The following LHFPL3 variants were observed in gnomAD, a reference collection of about 807,000 sequenced individuals.
LHFPL3 encodes the protein LHFPL tetraspan subfamily member 3, also known as LHFPL tetraspan subfamily member 3 protein.
LHFPL3 carries 5 observed loss-of-function variants against 19.3 expected under a neutral mutation model. The ratio of observed to expected loss-of-function variants is 0.26; its 90% CI spans 0.14 to 0.54. The LOEUF (loss-of-function observed/expected upper bound fraction) is 0.54, where lower values mean the gene tolerates loss of function less well. Ranked by LOEUF, LHFPL3 falls within the 20% of genes least tolerant of loss-of-function variation. The pLI, the probability that LHFPL3 is intolerant of heterozygous loss-of-function variation, is 0.94. For synonymous variants in LHFPL3, 133 were observed against 126.2 expected (o/e 1.05, Z -0.36); for missense variants, 249 against 307.4 (o/e 0.81, Z 1.42).
chr7:104,522,695 C>A (rs1351703034), intron 1 of LHFPL3, among the ~76,000 whole-genome samples: 1 of 152,104 alleles, frequency 6.6e-6, no homozygotes, highest in Non-Finnish European at 1.5e-5. Flanking sequence ...TACAGAAGGT[C>A]TTTCTTGCCA....
At chr7:104,444,698 A>G (rs17137694) in intron 1 of LHFPL3, among the ~76,000 whole-genome samples, 14,040 of 152,150 alleles carry the variant, frequency 0.092, 734 homozygotes, top group African/African-American at 0.14. Flanking sequence ...TTTTAAAGGA[A>G]TATTTATAGG....
At chr7:104,334,893 T>C (rs1232051712) in intron 1 of LHFPL3, among the ~76,000 whole-genome samples, 1 of 152,184 alleles carries the variant, frequency 6.6e-6, no homozygotes, top group African/African-American at 2.4e-5. Context: ...TGGGTTTTCT[T>C]TCAGAAAGAG....
chr7:104,558,131 A>C (rs1317749957), intron 1 of LHFPL3, among the ~76,000 whole-genome samples: 1 of 150,800 alleles, frequency 6.6e-6, no homozygotes, highest in Non-Finnish European at 1.5e-5. Flanking sequence ...TAATGCCGCA[A>C]TAAACATACG....
intron 2 of LHFPL3, among the ~76,000 whole-genome samples, chr7:104,805,323 T>A (rs144489115): frequency 6.6e-6 from 1 of 152,306 alleles, no homozygotes; most frequent in African/African-American, 2.4e-5. Flanking sequence ...GGTGCAGAAC[T>A]AAAGGGTATA....
chr7:104,786,659 T>C (rs1319887636), intron 2 of LHFPL3: 1 of 151,086 alleles, frequency 6.6e-6, no homozygotes, highest in Non-Finnish European at 1.5e-5. Flanking sequence ...CCTGGTCCTG[T>C]CAAATAAGAC....
chr7:104,540,077 G>A (rs1794456221), intron 1 of LHFPL3, among the ~76,000 whole-genome samples: 1 of 152,126 alleles, frequency 6.6e-6, no homozygotes, highest in South Asian at 2.1e-4. Context: ...CATACTAGGA[G>A]TTTGGGCCTT....
At chr7:104,529,580 T>C (rs1468622514) in intron 1 of LHFPL3, among the ~76,000 whole-genome samples, 1 of 152,204 alleles carries the variant, frequency 6.6e-6, no homozygotes, top group Non-Finnish European at 1.5e-5. Context: ...TAACACCTGC[T>C]TCAGTGAAAG....
chr7:104,404,420 A>T (rs1791376264), intron 1 of LHFPL3, among the ~76,000 whole-genome samples: 1 of 152,246 alleles, frequency 6.6e-6, no homozygotes, highest in Non-Finnish European at 1.5e-5. Context: ...TATGCAATTC[A>T]GTAGAGATCA....
At chr7:104,840,969 G>T (rs1200911287) in intron 2 of LHFPL3, among the ~76,000 whole-genome samples, 1 of 152,028 alleles carries the variant, frequency 6.6e-6, no homozygotes, top group Non-Finnish European at 1.5e-5. Flanking sequence ...CAGCTCATTA[G>T]TTGAGCCGCC....
intron 2 of LHFPL3, among the ~76,000 whole-genome samples, chr7:104,859,060 C>T (rs538152749): frequency 4.6e-5 from 7 of 151,874 alleles, no homozygotes; most frequent in East Asian, 1.9e-4. Flanking sequence ...GTCAGGAGTT[C>T]GAGACCAGCC....
intron 1 of LHFPL3, among the ~76,000 whole-genome samples, chr7:104,551,056 T>C (rs1391088983): frequency 1.3e-5 from 2 of 152,078 alleles, no homozygotes; most frequent in Non-Finnish European, 2.9e-5. Flanking sequence ...CACAATGCGC[T>C]AATCAGAACA....
intron 1 of LHFPL3, among the ~76,000 whole-genome samples, chr7:104,584,678 A>G (rs1790531047): frequency 6.6e-6 from 1 of 152,052 alleles, no homozygotes; most frequent in Non-Finnish European, 1.5e-5. Context: ...TTAGTGTAGA[A>G]TCTTGAATAG....
chr7:104,527,417 A>C (rs1310640197), intron 1 of LHFPL3, among the ~76,000 whole-genome samples: 1 of 152,116 alleles, frequency 6.6e-6, no homozygotes, highest in Non-Finnish European at 1.5e-5. Context: ...ACGTGGGAGC[A>C]GTGGAGGTGG....
intron 1 of LHFPL3, among the ~76,000 whole-genome samples, chr7:104,562,733 G>T (rs1160575980): frequency 6.6e-6 from 1 of 151,926 alleles, no homozygotes; most frequent in African/African-American, 2.4e-5. Context: ...GAGGAACTGC[G>T]TTCCTTTGGA....
chr7:104,740,617 C>T (rs116087960), intron 2 of LHFPL3, among the ~76,000 whole-genome samples: 37 of 152,288 alleles, frequency 2.4e-4, no homozygotes, highest in African/African-American at 8.9e-4. Flanking sequence ...AAAGGAAGAG[C>T]AAAGTCACAT....
chr7:104,752,121 C>T (rs1056952445), intron 2 of LHFPL3, among the ~76,000 whole-genome samples: 3 of 152,170 alleles, frequency 2.0e-5, no homozygotes, highest in East Asian at 1.9e-4. Flanking sequence ...GGCACCTGAC[C>T]TGCTGGAAGA....
chr7:104,356,753 C>A (rs1175067640), intron 1 of LHFPL3, among the ~76,000 whole-genome samples: 1 of 152,106 alleles, frequency 6.6e-6, no homozygotes, highest in Non-Finnish European at 1.5e-5. Context: ...CTCCCACAGT[C>A]TAGTGGGGAG....
intron 1 of LHFPL3, among the ~76,000 whole-genome samples, chr7:104,691,507 A>G (rs984973602): frequency 6.6e-6 from 1 of 152,244 alleles, no homozygotes; most frequent in African/African-American, 2.4e-5. Flanking sequence ...GGCAAAGGGA[A>G]ATCTTCCCAG....
At chr7:104,471,608 T>C (rs1442806424) in intron 1 of LHFPL3, among the ~76,000 whole-genome samples, 1 of 152,222 alleles carries the variant, frequency 6.6e-6, no homozygotes, top group African/African-American at 2.4e-5. Context: ...AATTAACTTA[T>C]AGAAACCTTG....
Sources: gnomAD v4.1 joint callset for allele counts (sites outside exome capture counted in the v4.1 genomes callset) on GRCh38, gnomAD v4.1.1 for gene constraint, MANE v1.5 for transcripts, NCBI Gene and HGNC (gene_info 2026-07-23, HGNC 2026-07-21) for gene names.